Variants in KIF5C observed in about 807,000 individuals in gnomAD.
KIF5C encodes kinesin heavy chain isoform 5C.
KIF5C carries 18 observed loss-of-function variants against 125.2 expected under a neutral mutation model. The observed-to-expected ratio is 0.14, with a 90% CI of 0.10 to 0.21. KIF5C has a LOEUF of 0.21. Ranked by LOEUF, KIF5C falls within the 10% of genes least tolerant of loss-of-function variation. The pLI, the probability that KIF5C is intolerant of heterozygous loss-of-function variation, is 1.00. For missense variants in KIF5C, 780 were observed against 1,183.8 expected, an observed-to-expected ratio of 0.66 and a Z score of 5.01; for synonymous variants, 405 against 434.0, an observed-to-expected ratio of 0.93 and a Z score of 0.83.
At chr2:148,961,678 C>T (rs890914628) in intron 10 of KIF5C, among the ~76,000 whole-genome samples, 1 of 151,992 alleles carries the variant, frequency 6.6e-6, no homozygotes, top group Non-Finnish European at 1.5e-5. Context: ...AGAACACAGA[C>T]TAAGACAGTG....
rs77012630 is a variant in KIF5C at position 148,979,646 on chromosome 2, G to T, written c.1362+656G>T. The stretch of plus-strand genomic sequence containing the variant: ...GTTGTTTGAGTCCTACTTCAGTTTT[G>T]CAATCAGCTTGCTCAGATCTTTGAT... On this transcript the variant is annotated intron_variant, in intron 13 of 25. Coordinates refer to ENST00000435030, the MANE Select transcript of KIF5C (RefSeq NM_004522.3). Among the ~76,000 whole-genome samples, 1,215 of 152,210 alleles carry T rather than the reference G, an allele frequency of 8.0e-3. 15 individuals are homozygous for T. The highest frequency in any genetic ancestry group is 0.028 in the African/African-American group (1,178 of 41,510).
intron 25 of KIF5C, among the ~76,000 whole-genome samples, chr2:149,016,044 A>G (rs1270037580): frequency 6.6e-6 from 1 of 152,244 alleles, no homozygotes; most frequent in Non-Finnish European, 1.5e-5. Flanking sequence ...TGCCAGGCAC[A>G]CAGCAACCTG....
intron 1 of KIF5C, among the ~76,000 whole-genome samples, chr2:148,887,313 A>G (rs975221319): frequency 6.6e-6 from 1 of 151,754 alleles, no homozygotes; most frequent in Non-Finnish European, 1.5e-5. Context: ...TGTGGTTGGC[A>G]TTGTATTTTT....
At chr2:148,956,315 C>T (rs974600709) in intron 10 of KIF5C, among the ~76,000 whole-genome samples, 2 of 152,154 alleles carry the variant, frequency 1.3e-5, no homozygotes, top group African/African-American at 2.4e-5. Context: ...ACAGAATGCT[C>T]GACAATGGGG....
chr2:149,021,874 A>G (rs1011111793), intron 25 of KIF5C, among the ~76,000 whole-genome samples: 8 of 152,116 alleles, frequency 5.3e-5, no homozygotes, highest in African/African-American at 1.9e-4. Flanking sequence ...TGAGCTCTGC[A>G]CAAAACCTAT....
intron 1 of KIF5C, among the ~76,000 whole-genome samples, chr2:148,881,874 A>C (rs914923885): frequency 6.6e-6 from 1 of 152,170 alleles, no homozygotes; most frequent in African/African-American, 2.4e-5. Context: ...GTGTCTACTT[A>C]TGTAAAAAAA....
intron 12 of KIF5C, among the ~76,000 whole-genome samples, chr2:148,976,245 T>TTTTTTTAATTTA (rs1553468292): frequency 1.4e-5 from 2 of 143,876 alleles, no homozygotes; most frequent in African/African-American, 5.1e-5. Flanking sequence ...TATTATTTTG[T>TTTTTTTAATTTA]TTTATTTATT....
intron 1 of KIF5C, among the ~76,000 whole-genome samples, chr2:148,890,816 T>C (rs895774425): frequency 6.6e-6 from 1 of 152,236 alleles, no homozygotes; most frequent in African/African-American, 2.4e-5. Flanking sequence ...CACAGTTTTA[T>C]GGCTGGTAGC....
intron 1 of KIF5C, among the ~76,000 whole-genome samples, chr2:148,910,354 T>G (rs1681283374): frequency 6.6e-6 from 1 of 152,232 alleles, no homozygotes; most frequent in African/African-American, 2.4e-5. Flanking sequence ...CATGGACATC[T>G]CTGAACCTGA....
chr2:148,898,267 A>G (rs1032558330), intron 1 of KIF5C, among the ~76,000 whole-genome samples: 5 of 152,170 alleles, frequency 3.3e-5, no homozygotes, highest in African/African-American at 1.2e-4. Flanking sequence ...CCTGCAGTAG[A>G]ATAGGCAGGC....
At chr2:148,881,418 TTTTC>T (rs1330068297) in intron 1 of KIF5C, among the ~76,000 whole-genome samples, 1 of 152,110 alleles carries the variant, frequency 6.6e-6, no homozygotes. Context: ...CCATGTAGCT[TTTTC>T]TTTTTCTTTT....
chr2:148,923,073 A>T (rs991147115), intron 2 of KIF5C, among the ~76,000 whole-genome samples: 2 of 152,204 alleles, frequency 1.3e-5, no homozygotes, highest in Non-Finnish European at 2.9e-5. Flanking sequence ...CATTTCCTTC[A>T]AATGTGAATG....
chr2:149,009,114 C>T (rs1455199041), intron 23 of KIF5C, among the ~76,000 whole-genome samples: 4 of 151,016 alleles, frequency 2.6e-5, no homozygotes, highest in South Asian at 2.1e-4. Context: ...CTCAGCCTCC[C>T]GAGTAGCTGG....
intron 3 of KIF5C, among the ~76,000 whole-genome samples, chr2:148,932,985 G>T (rs1682213686): frequency 6.6e-6 from 1 of 152,152 alleles, no homozygotes; most frequent in Non-Finnish European, 1.5e-5. Context: ...TTTGCGGATA[G>T]AATTATACAG....
At chr2:148,918,208 C>G (rs760950323) in intron 1 of KIF5C, among the ~76,000 whole-genome samples, 12 of 152,130 alleles carry the variant, frequency 7.9e-5, no homozygotes, top group Non-Finnish European at 1.2e-4. Context: ...TATACTGCTC[C>G]TATGTAATTA....
intron 12 of KIF5C, among the ~76,000 whole-genome samples, chr2:148,976,575 A>ATT (rs988350265): frequency 6.8e-6 from 1 of 146,362 alleles, no homozygotes; most frequent in Admixed American, 6.9e-5. Flanking sequence ...GCCGCATGTT[A>ATT]TTTTTTTTTT....
chr2:149,011,213 A>G (rs1159316229), intron 24 of KIF5C, among the ~76,000 whole-genome samples: 2 of 152,218 alleles, frequency 1.3e-5, no homozygotes, highest in Admixed American at 1.3e-4. Flanking sequence ...ACAGCATCAC[A>G]GGCAGAATTC....
intron 10 of KIF5C, among the ~76,000 whole-genome samples, chr2:148,959,954 G>A (rs1242175356): frequency 6.6e-6 from 1 of 152,158 alleles, no homozygotes; most frequent in Non-Finnish European, 1.5e-5. Context: ...CTCCCCTTCA[G>A]CTTAAGGGTA....
At chr2:148,975,364 T>C (rs1293444101) in intron 12 of KIF5C, among the ~76,000 whole-genome samples, 1 of 152,158 alleles carries the variant, frequency 6.6e-6, no homozygotes, top group Non-Finnish European at 1.5e-5. Flanking sequence ...GAAGAATACA[T>C]GAGGTGGGAT....
Sources: gnomAD v4.1 joint callset for allele counts (sites outside exome capture counted in the v4.1 genomes callset) on GRCh38, gnomAD v4.1.1 for gene constraint, MANE v1.5 for transcripts, NCBI Gene and HGNC (gene_info 2026-07-23, HGNC 2026-07-21) for gene names.